DSCAML1: variants seen among roughly 807,000 people sequenced by gnomAD.
DSCAML1 encodes the protein DS cell adhesion molecule like 1.
DSCAML1 carries 38 observed loss-of-function variants against 200.5 expected under a neutral mutation model. That is an observed-to-expected ratio of 0.19 (90% CI 0.15 to 0.25). The LOEUF (loss-of-function observed/expected upper bound fraction) is 0.25, where lower values mean the gene tolerates loss of function less well. Ranked by LOEUF, DSCAML1 falls within the 10% of genes least tolerant of loss-of-function variation. DSCAML1 has a pLI of 1.00. For synonymous variants in DSCAML1, 1,215 were observed against 1,165.0 expected (o/e 1.04, Z -0.87); for missense variants, 2,223 against 2,858.8 (o/e 0.78, Z 5.07).
intron 3 of DSCAML1, among the ~76,000 whole-genome samples, chr11:117,724,579 C>T (rs1217769958): frequency 6.6e-6 from 1 of 152,218 alleles, no homozygotes; most frequent in African/African-American, 2.4e-5. Context: ...TTTATTTCAC[C>T]AGCCTTGAAG....
chr11:117,596,679 G>A (rs2186761), intron 3 of DSCAML1, among the ~76,000 whole-genome samples: 42,126 of 152,062 alleles, frequency 0.28, 6,248 homozygotes, highest in Middle Eastern at 0.33. Flanking sequence ...GTGAAGACAG[G>A]GATACAGGGA....
chr11:117,511,912 A>C (rs948356603), intron 8 of DSCAML1, among the ~76,000 whole-genome samples: 3 of 152,240 alleles, frequency 2.0e-5, no homozygotes, highest in Admixed American at 6.5e-5. Context: ...CACACGCACG[A>C]GTGCTCACAC....
At chr11:117,782,126 G>A (rs1010572260) in intron 1 of DSCAML1, among the ~76,000 whole-genome samples, 1 of 152,142 alleles carries the variant, frequency 6.6e-6, no homozygotes, top group Non-Finnish European at 1.5e-5. Flanking sequence ...CGTTGCAGGG[G>A]ACCCAACTTG....
Position 117,480,410 on chromosome 11 carries a change from G to A in DSCAML1, c.2785+33C>T. 6.2e-7 allele frequency: 1 copy of A among 1,611,102 alleles called. No homozygotes were observed. The stretch of plus-strand genomic sequence containing the variant: ...CACGTGGCACAAGGGGCCATGGCAG[G>A]CCACGCTGTCACCCTCCTGGCCCAG... On this transcript the variant is annotated intron_variant, in intron 14 of 32. Coordinates refer to ENST00000651296, the MANE Select transcript of DSCAML1 (RefSeq NM_020693.4). The surrounding 1 kb of genome is among the most constrained non-coding windows in gnomAD (Gnocchi z 4.1).
chr11:117,740,384 T>A (rs889302822), intron 3 of DSCAML1, among the ~76,000 whole-genome samples: 7 of 152,130 alleles, frequency 4.6e-5, no homozygotes, highest in African/African-American at 1.4e-4. Context: ...AACATTAAGG[T>A]GACCAATGAT....
intron 11 of DSCAML1, among the ~76,000 whole-genome samples, chr11:117,496,993 A>G (rs191648623): frequency 5.3e-5 from 8 of 152,316 alleles, no homozygotes; most frequent in Non-Finnish European, 8.8e-5. Context: ...AAGATCTCCC[A>G]TGTTTCGTTG....
intron 3 of DSCAML1, among the ~76,000 whole-genome samples, chr11:117,688,311 C>A (rs943977667): frequency 6.6e-6 from 1 of 152,144 alleles, no homozygotes; most frequent in Non-Finnish European, 1.5e-5. Flanking sequence ...CTCACCAATG[C>A]CCTCCCATCT....
rs762596027 is a variant in DSCAML1, at chr11:117,524,807, A to G, written c.935T>C (p.Ile312Thr). 3.2e-6 allele frequency: 5 copies of G among 1,578,964 alleles called. No individual in the cohort carries two copies. The East Asian group carries it at 7.0e-5, about 22-fold the overall frequency. Reference protein sequence around the residue: ...SAEATGILMVIDPLHVTLTPK... With the variant: ...SAEATGILMVTDPLHVTLTPK... ...CAGAAGGGGCTTCCCCGACTCACCAATGACCATGAGGATGCCTGTGGCCTC... is the reference window on the plus strand; with the variant it reads ...CAGAAGGGGCTTCCCCGACTCACCAGTGACCATGAGGATGCCTGTGGCCTC... Residue 312 changes from isoleucine to threonine, a missense_variant and splice_region_variant, in exon 5 of 33, where the codon ATT becomes ACT. Around this residue, in one of 7 missense-constraint regions of DSCAML1, gnomAD observed 579 missense variants for 721.5 expected, o/e 0.80. Coordinates refer to ENST00000651296, the MANE Select transcript of DSCAML1 (RefSeq NM_020693.4).
At chr11:117,659,719 A>ATTTTTTT in intron 3 of DSCAML1, among the ~76,000 whole-genome samples, 1 of 145,436 alleles carries the variant, frequency 6.9e-6, no homozygotes, top group African/African-American at 2.5e-5. Context: ...TGCCTCACAC[A>ATTTTTTT]TTTTTTTTTT....
At chr11:117,438,421 G>A (rs1037289358) in intron 24 of DSCAML1, among the ~76,000 whole-genome samples, 2 of 152,128 alleles carry the variant, frequency 1.3e-5, no homozygotes, top group African/African-American at 4.8e-5. Context: ...GTCCTGTCTA[G>A]ATCTTCACTA....
chr11:117,657,904 G>A (rs990421216), intron 3 of DSCAML1, among the ~76,000 whole-genome samples: 42 of 152,162 alleles, frequency 2.8e-4, no homozygotes, highest in Non-Finnish European at 4.3e-4. Context: ...CTCCTGGAAT[G>A]TCAAGGAGGG....
rs758903781 is a variant in DSCAML1 at position 117,524,968 on chromosome 11, G to A, written c.774C>T (p.Arg258=). Residue 258 remains arginine, a synonymous_variant, in exon 5 of 33, where the codon CGC becomes CGT. Coordinates refer to ENST00000651296, the MANE Select transcript of DSCAML1 (RefSeq NM_020693.4). ...GGAGGGGCCGGCCATCCTTGAGCCA[G>A]CGGATGGCGGGGATAGGGTAGCCCG... is the stretch of plus-strand genomic sequence containing the variant. The part of the protein sequence containing the change: ...TASGYPIPAI[R]WLKDGRPLPA... The A allele has an allele frequency of 1.9e-6, 3 of 1,613,218 alleles. No homozygotes were observed. Among genetic ancestry groups the A allele is most frequent in the Non-Finnish European group, 1.7e-6 (2 of 1,179,790 alleles).
chr11:117,692,198 C>T (rs2053507192), intron 3 of DSCAML1, among the ~76,000 whole-genome samples: 2 of 152,076 alleles, frequency 1.3e-5, no homozygotes, highest in South Asian at 4.1e-4. Flanking sequence ...CTCCTTGCCT[C>T]CCTGCTGCTT....
chr11:117,738,144 C>T (rs762325056), intron 3 of DSCAML1, among the ~76,000 whole-genome samples: 5 of 152,138 alleles, frequency 3.3e-5, no homozygotes, highest in Non-Finnish European at 7.4e-5. Context: ...TATACAGATA[C>T]ATATTCTGCA....
chr11:117,566,135 C>A (rs1395340822), intron 3 of DSCAML1, among the ~76,000 whole-genome samples: 1 of 152,174 alleles, frequency 6.6e-6, no homozygotes, highest in African/African-American at 2.4e-5. Flanking sequence ...ATCATTATCA[C>A]CATCATCATC....
intron 14 of DSCAML1, among the ~76,000 whole-genome samples, chr11:117,475,823 G>C (rs1352966932): frequency 6.6e-6 from 1 of 152,022 alleles, no homozygotes. Context: ...CCCGTGGTTT[G>C]CAGGTGGATT....
chr11:117,742,157 C>A (rs2054434761), intron 3 of DSCAML1, among the ~76,000 whole-genome samples: 1 of 152,186 alleles, frequency 6.6e-6, no homozygotes, highest in African/African-American at 2.4e-5. Flanking sequence ...CTCAGGGATG[C>A]ATGGAGGAGG....
Position 117,471,913 on chromosome 11 carries a change from C to T in DSCAML1, c.2909G>A (p.Arg970His), listed in dbSNP as rs758642341. ...GGTGAGCTCCTTGCTTGGTTCACTGCGGCCAATCTTGTTGAAAGAGTACAT... is the reference window on the plus strand; with the variant it reads ...GGTGAGCTCCTTGCTTGGTTCACTGTGGCCAATCTTGTTGAAAGAGTACAT... ...IRMYSFNKIG[R>H]SEPSKELTIS... Residue 970 changes from arginine (R) to histidine (H), a missense_variant, in exon 15 of 33, where the codon CGC becomes CAC. Arg to His is a conservative substitution (Grantham distance 29). Coordinates refer to ENST00000651296, the MANE Select transcript of DSCAML1 (RefSeq NM_020693.4). 59 of 1,610,286 alleles carry T rather than the reference C, an allele frequency of 3.7e-5. No homozygotes were observed. The highest frequency in any genetic ancestry group is 1.8e-4 in the Admixed American group (11 of 59,752).
chr11:117,528,924 C>A (rs1187300319), intron 4 of DSCAML1, among the ~76,000 whole-genome samples: 1 of 147,886 alleles, frequency 6.8e-6, no homozygotes, highest in African/African-American at 2.5e-5. Context: ...TGAAAGTTGC[C>A]GCCCCCCGCC....
Sources: gnomAD v4.1 joint callset for allele counts (sites outside exome capture counted in the v4.1 genomes callset) on GRCh38, gnomAD v4.1.1 for gene constraint, gnomAD v4.1.1 regional missense constraint, Gnocchi (gnomAD v3.1) non-coding constraint, MANE v1.5 for transcripts, NCBI Gene and HGNC (gene_info 2026-07-23, HGNC 2026-07-21) for gene names.